KLHL32: variants seen among roughly 807,000 people sequenced by gnomAD.
The protein encoded by KLHL32 is kelch-like protein 32.
KLHL32 carries 35 observed loss-of-function variants against 64.8 expected under a neutral mutation model. The observed-to-expected ratio is 0.54, with a 90% CI of 0.41 to 0.72. The LOEUF is 0.72. Ranked by LOEUF, KLHL32 falls within the 30% of genes least tolerant of loss-of-function variation. KLHL32 has a pLI of 0.00. For synonymous variants in KLHL32, 259 were observed against 281.0 expected, an observed-to-expected ratio of 0.92 and a Z score of 0.78; for missense variants, 589 against 768.5, an observed-to-expected ratio of 0.77 and a Z score of 2.76.
At chr6:97,035,230 CA>C (rs1390143066) in intron 3 of KLHL32, among the ~76,000 whole-genome samples, 1 of 152,082 alleles carries the variant, frequency 6.6e-6, no homozygotes, top group Non-Finnish European at 1.5e-5. Context: ...CTTAACTGCA[CA>C]CAGAAATTCC....
At chr6:96,931,509 T>G (rs775971922) in intron 1 of KLHL32, among the ~76,000 whole-genome samples, 1 of 152,246 alleles carries the variant, frequency 6.6e-6, no homozygotes, top group Non-Finnish European at 1.5e-5. Flanking sequence ...TGTCCTTAAA[T>G]AAAATACTTT....
chr6:97,031,724 G>C (rs777349038), intron 3 of KLHL32, among the ~76,000 whole-genome samples: 1 of 152,114 alleles, frequency 6.6e-6, no homozygotes, highest in African/African-American at 2.4e-5. Context: ...TTATAATGGG[G>C]TCATTCCATA....
chr6:96,907,991 TG>T, the KLHL32 span, among the ~76,000 whole-genome samples: 1 of 152,184 alleles, frequency 6.6e-6, no homozygotes, highest in Non-Finnish European at 1.5e-5. Flanking sequence ...AGTGGACACC[TG>T]GGGGAAAAGA....
intron 1 of KLHL32, among the ~76,000 whole-genome samples, chr6:96,938,032 A>G (rs1009974781): frequency 6.6e-5 from 10 of 152,336 alleles, no homozygotes; most frequent in Admixed American, 5.2e-4. Context: ...CTTTAGTGTT[A>G]TGTATTTCTG....
At chr6:96,984,377 C>G (rs1446324069) in intron 3 of KLHL32, among the ~76,000 whole-genome samples, 4 of 152,166 alleles carry the variant, frequency 2.6e-5, no homozygotes, top group Admixed American at 6.5e-5. Flanking sequence ...GTGGAGAGTT[C>G]TGTAGATGTC....
intron 7 of KLHL32, among the ~76,000 whole-genome samples, chr6:97,123,401 T>C (rs1007691935): frequency 2.0e-5 from 3 of 152,194 alleles, no homozygotes; most frequent in Non-Finnish European, 4.4e-5. Context: ...TTCTCCTGTC[T>C]TGATGATAGA....
intron 3 of KLHL32, among the ~76,000 whole-genome samples, chr6:96,997,040 A>C (rs889992485): frequency 3.3e-5 from 5 of 152,116 alleles, no homozygotes; most frequent in African/African-American, 4.8e-5. Flanking sequence ...AGGAAAGACA[A>C]GAGTGAGTGT....
intron 3 of KLHL32, among the ~76,000 whole-genome samples, chr6:97,021,048 TTG>T (rs890411819): frequency 6.6e-6 from 1 of 150,720 alleles, no homozygotes; most frequent in Non-Finnish European, 1.5e-5. Flanking sequence ...AACCAATAGG[TTG>T]TATATATAGA....
chr6:96,987,939 T>C (rs1291768028), intron 3 of KLHL32, among the ~76,000 whole-genome samples: 2 of 152,180 alleles, frequency 1.3e-5, no homozygotes, highest in Non-Finnish European at 2.9e-5. Context: ...TTACACCTTA[T>C]ACAAAAATTA....
chr6:96,926,585 A>C (rs1241705535), intron 1 of KLHL32, among the ~76,000 whole-genome samples: 1 of 152,172 alleles, frequency 6.6e-6, no homozygotes, highest in Non-Finnish European at 1.5e-5. Flanking sequence ...TTGCCTTTAA[A>C]AAAAAGTTGT....
At position 97,033,603 on chromosome 6, in the gene KLHL32, A is replaced by T. The variant is rs530724103; in HGVS notation, c.205-7889A>T. Reference sequence around the variant, plus strand: ...TTAAATTTTTTTTAGTACCCTCTCTACTGTTTCCCATAATGGCTGTACCAA... The same window carrying T: ...TTAAATTTTTTTTAGTACCCTCTCTTCTGTTTCCCATAATGGCTGTACCAA... On this transcript the variant is annotated intron_variant, in intron 3 of 10. Coordinates refer to ENST00000369261, the MANE Select transcript of KLHL32 (RefSeq NM_052904.4). Among the ~76,000 whole-genome samples the T allele has an allele frequency of 2.6e-5, 4 of 152,176 alleles. No individual in the cohort carries two copies. In the South Asian group the frequency reaches 8.3e-4, roughly 32 times the overall value.
At chr6:97,026,832 A>G (rs2128109768) in intron 3 of KLHL32, among the ~76,000 whole-genome samples, 1 of 152,256 alleles carries the variant, frequency 6.6e-6, no homozygotes, top group Non-Finnish European at 1.5e-5. Context: ...ATTCCACACT[A>G]TTATCTTCAA....
the KLHL32 span, chr6:96,914,692 T>G: frequency 6.6e-6 from 1 of 152,192 alleles, no homozygotes; most frequent in Non-Finnish European, 1.5e-5. Flanking sequence ...TCTTTTATTT[T>G]TTTTTTAGAG....
At chr6:97,064,436 G>A (rs13209557) in intron 4 of KLHL32, among the ~76,000 whole-genome samples, 192 bp from the exon 5 acceptor site, 1 of 152,146 alleles carries the variant, frequency 6.6e-6, no homozygotes, top group Admixed American at 6.5e-5. Context: ...AAAATTGGCT[G>A]TTAGAGTAAG....
At chr6:97,092,863 G>A (rs1051757252) in intron 6 of KLHL32, among the ~76,000 whole-genome samples, 6 of 152,110 alleles carry the variant, frequency 3.9e-5, no homozygotes, top group African/African-American at 9.7e-5. Flanking sequence ...AGAGCTGTGC[G>A]TTGCTGAGTA....
chr6:97,009,189 T>C (rs1270178256), intron 3 of KLHL32, among the ~76,000 whole-genome samples: 2 of 151,356 alleles, frequency 1.3e-5, no homozygotes, highest in East Asian at 1.9e-4. Flanking sequence ...GGTTTACTAG[T>C]ATTGGTGATG....
intron 2 of KLHL32, among the ~76,000 whole-genome samples, chr6:96,973,730 C>CTCTTTTTTTTTTTTTTTTTTTTTTTT (rs1554208428): frequency 5.1e-5 from 6 of 118,254 alleles, no homozygotes; most frequent in African/African-American, 2.0e-4. Flanking sequence ...TACAGATTGC[C>CTCTTTTTTTTTTTTTTTTTTTTTTTT]TTTTTTTTTT....
In KLHL32 at chr6:97,032,161, A is replaced by G. The variant is rs1245749159; in HGVS notation, c.205-9331A>G. Among the ~76,000 whole-genome samples the G allele has an allele frequency of 2.0e-5, 3 of 152,240 alleles. No homozygotes were observed. In the East Asian group the frequency reaches 5.8e-4, roughly 29 times the overall value. On this transcript the variant is annotated intron_variant, in intron 3 of 10. Coordinates refer to ENST00000369261, the MANE Select transcript of KLHL32 (RefSeq NM_052904.4). ...TGTATCTTCCTGCATAGTTCTGAAC[A>G]TTAAAAATAAAGTTTTTAAAAGGGA...
chr6:97,103,477 T>C (rs1796017314), intron 6 of KLHL32, among the ~76,000 whole-genome samples: 1 of 152,208 alleles, frequency 6.6e-6, no homozygotes, highest in Non-Finnish European at 1.5e-5. Context: ...CCTCCCAAAG[T>C]GCTGGGATTA....
Sources: allele counts gnomAD v4.1 joint callset (sites outside exome capture counted in the v4.1 genomes callset), GRCh38; gene constraint gnomAD v4.1.1; transcripts MANE v1.5; gene names NCBI Gene and HGNC (gene_info 2026-07-23, HGNC 2026-07-21).